TENM1: variants seen among roughly 807,000 people sequenced by gnomAD.
TENM1 encodes teneurin-1.
A neutral mutation model predicts 174.8 loss-of-function variants in TENM1; 35 were observed. The observed-to-expected ratio is 0.20, with a 90% CI of 0.15 to 0.27. TENM1 has a LOEUF of 0.27. TENM1 is among the 10% of genes least tolerant of loss of function. TENM1 has a pLI of 1.00. For synonymous variants in TENM1, 781 were observed against 798.7 expected (o/e 0.98, Z 0.37); for missense variants, 1,633 against 2,130.1 (o/e 0.77, Z 4.59).
rs1268533661 is a variant in TENM1 at position 124,904,487 on chromosome X, T to A, written c.218-8246A>T. Among the ~76,000 whole-genome samples, 3 of 112,245 alleles carry A rather than the reference T, an allele frequency of 2.7e-5. No individual in the cohort carries two copies. In the East Asian group the frequency reaches 8.4e-4, roughly 32 times the overall value. ...CCCAATTCTGACACATTTGAGGTGGTTTAGCTTAACATAAAACAATGCCTA... is the reference window on the plus strand; with the variant it reads ...CCCAATTCTGACACATTTGAGGTGGATTAGCTTAACATAAAACAATGCCTA... On this transcript the variant is annotated intron_variant, in intron 1 of 31. Transcript: ENST00000422452.
At chrX:124,812,601 TA>T (rs973170963) in intron 3 of TENM1, among the ~76,000 whole-genome samples, 18 of 110,481 alleles carry the variant, frequency 1.6e-4, no homozygotes, top group Admixed American at 4.8e-4. Context: ...GAGATCACAA[TA>T]AAAAAAATGC....
intron 1 of TENM1, among the ~76,000 whole-genome samples, chrX:124,952,799 T>C (rs2058510536): frequency 9.0e-6 from 1 of 111,562 alleles, no homozygotes; most frequent in Admixed American, 9.5e-5. Flanking sequence ...ACACAAAGGG[T>C]CATTTCCTCT....
chrX:124,497,904 G>A (rs963415611), intron 19 of TENM1, among the ~76,000 whole-genome samples: 3 of 111,676 alleles, frequency 2.7e-5, no homozygotes, highest in African/African-American at 9.7e-5. Context: ...GACATTCTGT[G>A]TGGGCAATCT....
the TENM1 span, among the ~76,000 whole-genome samples, chrX:124,972,661 G>A: frequency 8.9e-6 from 1 of 112,033 alleles, no homozygotes; most frequent in African/African-American, 3.2e-5. Flanking sequence ...GGTTTCACGT[G>A]GAAACAGCCA....
At chrX:124,566,423 T>C (rs1330818266) in intron 11 of TENM1, among the ~76,000 whole-genome samples, 1 of 112,097 alleles carries the variant, frequency 8.9e-6, no homozygotes, top group Non-Finnish European at 1.9e-5. Flanking sequence ...ATGCTGAATA[T>C]TAATAAAGTC....
At chrX:124,761,868 T>G (rs2054426287) in intron 3 of TENM1, among the ~76,000 whole-genome samples, 1 of 111,650 alleles carries the variant, frequency 9.0e-6, no homozygotes, top group African/African-American at 3.3e-5. Context: ...TTTAAACAAC[T>G]TTTTGTGGGT....
At chrX:124,723,362 T>G (rs1164321813) in intron 4 of TENM1, among the ~76,000 whole-genome samples, 1 of 111,341 alleles carries the variant, frequency 9.0e-6, no homozygotes, top group African/African-American at 3.3e-5. Context: ...TCCTGGAAAT[T>G]TCCTTCTGTT....
At chrX:124,434,604 T>C (rs986842061) in intron 23 of TENM1, among the ~76,000 whole-genome samples, 2 of 112,584 alleles carry the variant, frequency 1.8e-5, no homozygotes, top group African/African-American at 6.4e-5. Flanking sequence ...ATCTCCTCTC[T>C]GAAGCCTCAA....
the TENM1 span, among the ~76,000 whole-genome samples, chrX:125,159,732 G>C: frequency 9.0e-6 from 1 of 111,606 alleles, no homozygotes; most frequent in Admixed American, 9.5e-5. Flanking sequence ...TCTGTTATTG[G>C]TCTATAATAG....
At chrX:124,687,896 G>C (rs1267652513) in intron 5 of TENM1, among the ~76,000 whole-genome samples, 1 of 112,387 alleles carries the variant, frequency 8.9e-6, no homozygotes, top group Admixed American at 9.4e-5. Flanking sequence ...TGGCTGTCAA[G>C]GACTGGGGGT....
chrX:124,700,525 C>T (rs1227108711), intron 5 of TENM1, among the ~76,000 whole-genome samples: 1 of 111,829 alleles, frequency 8.9e-6, no homozygotes, highest in Non-Finnish European at 1.9e-5. Context: ...GTATTATCAA[C>T]ATTCCCATTT....
chrX:124,737,368 C>T (rs151076541), intron 3 of TENM1, among the ~76,000 whole-genome samples, 171 bp from the exon 7 acceptor site: 1,208 of 111,814 alleles, frequency 0.011, 17 homozygotes, highest in African/African-American at 0.037. Context: ...TACAAAAGCA[C>T]GTGCAGCATG....
chrX:124,619,061 T>G (rs1028383726), intron 11 of TENM1, among the ~76,000 whole-genome samples: 1 of 111,685 alleles, frequency 9.0e-6, no homozygotes, highest in Admixed American at 9.5e-5. Flanking sequence ...CTAGTCTGGG[T>G]GACAGAGTGA....
chrX:124,389,763 C>A (rs574510575), intron 28 of TENM1, among the ~76,000 whole-genome samples: 1 of 111,202 alleles, frequency 9.0e-6, no homozygotes, highest in Non-Finnish European at 1.9e-5. Flanking sequence ...TTAATTATAT[C>A]TATTCAGTGA....
intron 21 of TENM1, among the ~76,000 whole-genome samples, chrX:124,483,532 A>G (rs2046889873): frequency 9.0e-6 from 1 of 111,162 alleles, no homozygotes; most frequent in African/African-American, 3.3e-5. Flanking sequence ...TTTAAATTCT[A>G]CTTTCTAAAT....
At chrX:124,603,193 A>G (rs1405381375) in intron 11 of TENM1, among the ~76,000 whole-genome samples, 4 of 111,397 alleles carry the variant, frequency 3.6e-5, no homozygotes, top group Non-Finnish European at 7.6e-5. Context: ...CTGAGAGAGA[A>G]TAAATTTCAG....
intron 3 of TENM1, among the ~76,000 whole-genome samples, chrX:124,751,206 T>C (rs1805186491): frequency 9.0e-6 from 1 of 111,690 alleles, no homozygotes; most frequent in African/African-American, 3.3e-5. Flanking sequence ...ACAAATGAAA[T>C]ATTATGTACC....
At chrX:124,696,548 T>C (rs1603021524) in intron 5 of TENM1, among the ~76,000 whole-genome samples, 1 of 111,084 alleles carries the variant, frequency 9.0e-6, no homozygotes. Flanking sequence ...CTCCTCTCTC[T>C]CTTAAGCATT....
In TENM1 at chrX:124,556,419, T is replaced by C. The variant is rs1346925604; in HGVS notation, c.2434+5252A>G. 8.1e-5 allele frequency among the ~76,000 whole-genome samples: 9 copies of C among 111,382 alleles called. No individual in the cohort carries two copies. In the Admixed American group the frequency reaches 8.6e-4, roughly 11 times the overall value. On this transcript the variant is annotated intron_variant, in intron 14 of 31. Coordinates refer to ENST00000422452, the Ensembl canonical transcript of TENM1. The stretch of plus-strand genomic sequence containing the variant: ...GGTCCTCAAGGCATTTTGTTTGTTG[T>C]CTTTTTGGAGGGCCAAAGAACGATA...
Sources: gnomAD v4.1 joint callset for allele counts (sites outside exome capture counted in the v4.1 genomes callset) on GRCh38, gnomAD v4.1.1 for gene constraint, MANE v1.5 for transcripts, NCBI Gene and HGNC (gene_info 2026-07-23, HGNC 2026-07-21) for gene names.